Variants in SSR4 observed in about 807,000 individuals in gnomAD.
SSR4 encodes the protein translocon-associated protein subunit delta.
For synonymous variants in SSR4, 84 were observed against 65.6 expected, an observed-to-expected ratio of 1.28 and a Z score of -1.35; for missense variants, 125 against 148.8, an observed-to-expected ratio of 0.84 and a Z score of 0.83.
At chrX:153,796,674 C>G (rs782270847) in intron 2 of SSR4, 122 bp downstream of exon 2, 5 of 561,190 alleles carry the variant, frequency 8.9e-6, no homozygotes, top group Admixed American at 7.3e-5. Flanking sequence ...CCGGAGAGAT[C>G]AGGGCACGGT....
At chrX:153,795,057 G>A (rs1229204676) in intron 1 of SSR4, 2 of 349,915 alleles carry the variant, frequency 5.7e-6, no homozygotes, top group Non-Finnish European at 1.0e-5. Flanking sequence ...TGCGGGGTCG[G>A]ACCGGAGCGA....
At chrX:153,794,849 G>A in intron 1 of SSR4, 95 bp downstream of exon 1, 1 of 1,035,538 alleles carries the variant, frequency 9.7e-7, no homozygotes, top group Non-Finnish European at 1.3e-6. Flanking sequence ...GCCTTTCAGG[G>A]TCCGTCGCTG....
rs1044046204 is a variant in SSR4 at position 153,796,374 on chromosome X, G to T, written c.68-60G>T. 8 of 867,420 alleles carry T rather than the reference G, an allele frequency of 9.2e-6. No individual in the cohort carries two copies. The South Asian group carries it at 1.7e-4, about 18-fold the overall frequency. 71.5% of individuals were successfully genotyped at this position (867,420 alleles called of 1,213,427 possible). A position where few individuals can be genotyped will look rare whatever the true frequency, so the allele number is the denominator to read the frequency against. On this transcript the variant is annotated intron_variant, in intron 1 of 5. Transcript: ENST00000370086. ...CTATGAGGCAGGGCCGGGCCATCCTGCCCTCAGACCGGGATACTCGAGCTG... is the reference window on the plus strand; with the variant it reads ...CTATGAGGCAGGGCCGGGCCATCCTTCCCTCAGACCGGGATACTCGAGCTG...
chrX:153,794,347 G>A (rs1299859115), upstream of SSR4: 3 of 1,184,568 alleles, frequency 2.5e-6, no homozygotes, highest in Non-Finnish European at 3.4e-6. Context: ...GAGAGCCTCC[G>A]CACGTCCCGA....
At chrX:153,794,905 G>A (rs782079597) in intron 1 of SSR4, 151 bp downstream of exon 1, 2 of 644,195 alleles carry the variant, frequency 3.1e-6, no homozygotes, top group South Asian at 5.9e-5. Flanking sequence ...GGGACGGGGG[G>A]ACCAAAGCAC....
chrX:153,797,213 A>G lies in SSR4; in HGVS notation c.187-245A>G, dbSNP rs12009356. On this transcript the variant is annotated intron_variant, in intron 2 of 5. Coordinates refer to ENST00000370086, the MANE Select transcript of SSR4 (RefSeq NM_006280.3). ...CATCCCGCCCCTGCTCACAGTCAAC[A>G]GGGTTCCTATGCGTCCAGTTAGGCC... is the stretch of plus-strand genomic sequence containing the variant. 6.1e-3 allele frequency: 2,473 copies of G among 408,724 alleles called. 49 individuals carry two copies. Among genetic ancestry groups the G allele is most frequent in the African/African-American group, 0.052 (2,103 of 40,128 alleles). The allele number at this position is 408,724 out of a possible 1,213,427, so 33.7% of individuals were successfully genotyped here.
chrX:153,796,492 C>G lies in SSR4; in HGVS notation c.126C>G (p.Val42=). 7 of 1,211,691 alleles carry G rather than the reference C, an allele frequency of 5.8e-6. No individual in the cohort carries two copies. The highest frequency in any genetic ancestry group is 7.8e-6 in the Non-Finnish European group (7 of 895,197). ...TPSYYTTSDA[V]ISTETVFIVE... The stretch of plus-strand genomic sequence containing the variant: ...CCTACTACACCACTTCTGACGCTGT[C>G]ATTTCCACTGAGACCGTCTTCATTG... The change falls in exon 2 of 6, where the codon GTC becomes GTG. Residue 42 remains valine, a synonymous_variant. Coordinates refer to ENST00000370086, the MANE Select transcript of SSR4 (RefSeq NM_006280.3).
chrX:153,797,157 T>C (rs2092146686), intron 2 of SSR4: 3 of 330,368 alleles, frequency 9.1e-6, no homozygotes, highest in South Asian at 4.9e-5. Context: ...ACCTCCCTTG[T>C]AGACTCAGGA....
chrX:153,794,821 G>C, intron 1 of SSR4, 67 bp downstream of exon 1: 2 of 1,133,416 alleles, frequency 1.8e-6, no homozygotes, highest in Non-Finnish European at 2.4e-6. Context: ...TTGGGGGCAG[G>C]AGGGATGCGG....
Position 153,796,559 on chromosome X carries a change from C to G in SSR4, c.186+7C>G. 1 of 1,172,636 alleles carries G rather than the reference C, an allele frequency of 8.5e-7. No homozygotes were observed. The highest frequency in any genetic ancestry group is 1.2e-6 in the Non-Finnish European group (1 of 860,154). ...ATGCAAGAACAGGGTCCAGGTGAGA[C>G]AGTGGGGTTTCAGACAGGAGGGCGG... On this transcript the variant is annotated splice_region_variant and intron_variant, in intron 2 of 5. Transcript: ENST00000370086.
rs782118433 is a variant in SSR4, at chrX:153,796,482, C to G, written c.116C>G (p.Ser39Cys). The change falls in exon 2 of 6, where the codon TCT becomes TGT. Residue 39 changes from serine to cysteine, a missense_variant. Transcript: ENST00000370086. ...PQITPSYYTTSDAVISTETVF... is the reference protein window; with the variant it reads ...PQITPSYYTTCDAVISTETVF... ...ATCACCCCTTCCTACTACACCACTTCTGACGCTGTCATTTCCACTGAGACC... is the reference window on the plus strand; with the variant it reads ...ATCACCCCTTCCTACTACACCACTTGTGACGCTGTCATTTCCACTGAGACC... 2 of 1,211,850 alleles carry G rather than the reference C, an allele frequency of 1.7e-6. No homozygotes were observed. The highest frequency in any genetic ancestry group is 2.2e-6 in the Non-Finnish European group (2 of 895,294).
intron 1 of SSR4, 169 bp downstream of exon 1, chrX:153,794,923 A>C (rs2148448535): frequency 3.6e-6 from 2 of 557,979 alleles, no homozygotes; most frequent in East Asian, 7.4e-5. Context: ...CACCTCGCGC[A>C]CGTTTACCGG....
At chrX:153,794,653 G>A (rs374141854), upstream of SSR4, 13 of 1,210,786 alleles carry the variant, frequency 1.1e-5, 1 homozygote, top group East Asian at 1.8e-4. Flanking sequence ...GTTCATGGGA[G>A]CTCGTTTTCT....
At chrX:153,794,999 C>T (rs868920371) in intron 1 of SSR4, 5 of 416,860 alleles carry the variant, frequency 1.2e-5, no homozygotes, top group Non-Finnish European at 2.1e-5. Flanking sequence ...TGCGCCCGGC[C>T]CCCAAGCTGC....
At chrX:153,797,989 C>G (rs967958002) in intron 4 of SSR4, 82 bp from the exon 5 acceptor site, 7 of 978,878 alleles carry the variant, frequency 7.2e-6, no homozygotes, top group South Asian at 2.0e-5. Flanking sequence ...GCCGGTGTTC[C>G]TACCTGTCTT....
At position 153,798,136 on chromosome X, in the gene SSR4, G is replaced by C. The variant is rs1237729564; in HGVS notation, c.417G>C (p.Arg139=). 7 of 1,208,374 alleles carry C rather than the reference G, an allele frequency of 5.8e-6. No homozygotes were observed. Among genetic ancestry groups the C allele is most frequent in the Non-Finnish European group, 7.8e-6 (7 of 893,809 alleles). Residue 139 remains arginine, a splice_region_variant and synonymous_variant, in exon 5 of 6, where the codon CGG becomes CGC. Coordinates refer to ENST00000370086, the MANE Select transcript of SSR4 (RefSeq NM_006280.3). ...TGTTTACAGTCAGCGTGGACCATCG[G>C]GTGAGTGGCCTGGTCCCTCCTCCTT... ...PPLFTVSVDH[R]GTWNGPWVST... is the part of the protein sequence containing the mutation.
At chrX:153,796,062 A>G (rs1569542889) in intron 1 of SSR4, 1 of 183,804 alleles carries the variant, frequency 5.4e-6, no homozygotes, top group East Asian at 1.4e-4. Context: ...GCCTTCAGTA[A>G]CTCGTCCAGG....
upstream of SSR4, chrX:153,794,607 C>T (rs370819935): frequency 1.5e-5 from 18 of 1,200,650 alleles, no homozygotes; most frequent in South Asian, 7.2e-5. Context: ...GCTGCCGCTG[C>T]CACTTACGCG....
At chrX:153,798,000 T>TACCCCCCCC in intron 4 of SSR4, 71 bp from the exon 5 acceptor site, 1 of 703,990 alleles carries the variant, frequency 1.4e-6, no homozygotes, top group Non-Finnish European at 2.3e-6. Context: ...TACCTGTCTT[T>TACCCCCCCC]CCCCTCCCCT....
Sources: gnomAD v4.1 joint callset for allele counts on GRCh38, gnomAD v4.1.1 for gene constraint, MANE v1.5 for transcripts, NCBI Gene and HGNC (gene_info 2026-07-23, HGNC 2026-07-21) for gene names.